The following ARHGAP12 variants were observed in gnomAD, a reference collection of about 807,000 sequenced individuals.
ARHGAP12 encodes rho GTPase-activating protein 12.
A neutral mutation model predicts 108.6 loss-of-function variants in ARHGAP12; 64 were observed. The observed-to-expected ratio is 0.59, with a 90% confidence interval of 0.48 to 0.73. ARHGAP12 has a LOEUF of 0.73. Ranked by LOEUF, ARHGAP12 falls within the 30% of genes least tolerant of loss-of-function variation. The pLI, the probability that ARHGAP12 is intolerant of heterozygous loss-of-function variation, is 0.00. For synonymous variants in ARHGAP12, 312 were observed against 337.2 expected (o/e 0.93, Z 0.82); for missense variants, 940 against 1,005.9 (o/e 0.93, Z 0.89).
chr10:31,808,862 C>CT (rs768672269), intron 18 of ARHGAP12, 111 bp from the exon 19 acceptor site: 273 of 1,370,726 alleles, frequency 2.0e-4, no homozygotes, highest in Non-Finnish European at 2.6e-4. Context: ...CTGGTGGTCA[C>CT]ATTTAAAATG....
chr10:31,873,732 T>C lies in ARHGAP12; in HGVS notation c.685-12074A>G, dbSNP rs190451980. Among the ~76,000 whole-genome samples the C allele has an allele frequency of 5.5e-4, 84 of 152,312 alleles. 1 individual carries two copies. The highest frequency in any genetic ancestry group is 6.8e-3 in the Middle Eastern group (2 of 294). ...TCTCAGTAACTGCTTTCCCAATCCA[T>C]AGAATATTTCAAGAAATAGAAAGCT... On this transcript the variant is annotated intron_variant, in intron 3 of 19. Coordinates refer to ENST00000344936, the MANE Select transcript of ARHGAP12 (RefSeq NM_018287.7).
intron 3 of ARHGAP12, among the ~76,000 whole-genome samples, chr10:31,861,940 C>A (rs1249827547): frequency 6.6e-6 from 1 of 152,158 alleles, no homozygotes; most frequent in African/African-American, 2.4e-5. Context: ...CAAGATCTGG[C>A]ACTAACAAGT....
At chr10:31,881,122 G>A (rs1408203833) in intron 3 of ARHGAP12, among the ~76,000 whole-genome samples, 1 of 149,802 alleles carries the variant, frequency 6.7e-6, no homozygotes, top group Non-Finnish European at 1.5e-5. Flanking sequence ...CTACAACAAG[G>A]ATATGCCCAT....
Position 31,839,806 on chromosome 10 carries a change from C to T in ARHGAP12, c.1297-95G>A, listed in dbSNP as rs943858481. ...GGGAGAGCTTAGTAAGAGAGAATAA[C>T]AAATTTTTTCCTCGTTATTTTCGTT... On this transcript the variant is annotated intron_variant, in intron 7 of 19. Transcript: ENST00000344936. 5.2e-6 allele frequency: 5 copies of T among 952,912 alleles called. No homozygotes were observed. The Admixed American group carries it at 1.5e-4, about 28-fold the overall frequency. The allele number at this position is 952,912 out of a possible 1,614,324, so 59.0% of individuals were successfully genotyped here. A position where few individuals can be genotyped will look rare whatever the true frequency, so the allele number is the denominator to read the frequency against.
chr10:31,833,227 AT>A (rs1248190615), intron 9 of ARHGAP12, among the ~76,000 whole-genome samples: 10 of 152,050 alleles, frequency 6.6e-5, no homozygotes, highest in Non-Finnish European at 1.3e-4. Context: ...AACAACATTA[AT>A]CTGAGTGGAT....
Position 31,861,615 on chromosome 10 carries a change from T to C in ARHGAP12, c.728A>G (p.Tyr243Cys), listed in dbSNP as rs1837120456. Reference sequence around the variant, plus strand: ...TATTTTCAGTTCTTGAAGGTTAGCATAGACAGGAGAATCTGGCCTTCCTTG... The same window carrying C: ...TATTTTCAGTTCTTGAAGGTTAGCACAGACAGGAGAATCTGGCCTTCCTTG... Reference protein sequence around the residue: ...PNQGRPDSPVYANLQELKISQ... With the variant: ...PNQGRPDSPVCANLQELKISQ... Residue 243 changes from tyrosine to cysteine, a missense_variant, in exon 4 of 20, where the codon TAT becomes TGT. Transcript: ENST00000344936. The C allele has an allele frequency of 2.5e-6, 4 of 1,612,244 alleles. No individual in the cohort carries two copies. Among genetic ancestry groups the C allele is most frequent in the African/African-American group, 1.3e-5 (1 of 74,946 alleles).
chr10:31,866,589 T>C (rs1592310201), intron 3 of ARHGAP12, among the ~76,000 whole-genome samples: 1 of 150,392 alleles, frequency 6.6e-6, no homozygotes, highest in East Asian at 1.9e-4. Context: ...CACCATACAA[T>C]GAGAAGAGAA....
intron 7 of ARHGAP12, among the ~76,000 whole-genome samples, chr10:31,842,403 A>G (rs1455678704): frequency 1.3e-5 from 2 of 152,182 alleles, no homozygotes; most frequent in East Asian, 3.9e-4. Flanking sequence ...AGACTCCAGA[A>G]TGTCATTCCT....
intron 3 of ARHGAP12, among the ~76,000 whole-genome samples, chr10:31,906,058 A>C (rs940951783): frequency 6.6e-6 from 1 of 152,146 alleles, no homozygotes; most frequent in South Asian, 2.1e-4. Flanking sequence ...AGGACAATGC[A>C]GTGTCTACCA....
intron 19 of ARHGAP12, 21 bp downstream of exon 19, chr10:31,808,628 A>G (rs1237160610): frequency 1.2e-6 from 2 of 1,609,106 alleles, no homozygotes; most frequent in South Asian, 1.1e-5. Flanking sequence ...ACCACATCCC[A>G]TGACTGGGCA....
intron 2 of ARHGAP12, among the ~76,000 whole-genome samples, chr10:31,909,852 C>T (rs1015156176): frequency 6.6e-6 from 1 of 152,126 alleles, no homozygotes; most frequent in African/African-American, 2.4e-5. Context: ...ACCAAGATCA[C>T]ACCACTGCAC....
At chr10:31,813,798 T>C (rs763833985) in intron 14 of ARHGAP12, among the ~76,000 whole-genome samples, 1 of 152,236 alleles carries the variant, frequency 6.6e-6, no homozygotes, top group African/African-American at 2.4e-5. Context: ...GATCTGGAGA[T>C]AGAAACGCTT....
intron 3 of ARHGAP12, among the ~76,000 whole-genome samples, chr10:31,883,126 T>C (rs1323936173): frequency 6.6e-6 from 1 of 151,650 alleles, no homozygotes; most frequent in Non-Finnish European, 1.5e-5. Flanking sequence ...AGAAACCCCA[T>C]CTCTACTAAA....
chr10:31,868,391 A>G (rs1319581751), intron 3 of ARHGAP12, among the ~76,000 whole-genome samples: 5 of 152,114 alleles, frequency 3.3e-5, no homozygotes, highest in Non-Finnish European at 7.4e-5. Flanking sequence ...GTGATTTCCC[A>G]ATTTTATTAT....
intron 3 of ARHGAP12, among the ~76,000 whole-genome samples, chr10:31,874,925 G>A (rs1837669329): frequency 8.0e-6 from 1 of 125,244 alleles, no homozygotes; most frequent in Admixed American, 1.0e-4. Context: ...AGTGAGCCAA[G>A]ATGGCGCCAC....
chr10:31,884,149 T>C (rs1838101837), intron 3 of ARHGAP12, among the ~76,000 whole-genome samples: 1 of 151,974 alleles, frequency 6.6e-6, no homozygotes, highest in South Asian at 2.1e-4. Context: ...AGACCACTTC[T>C]TTCCAAACTG....
chr10:31,922,390 T>A (rs181934754), intron 1 of ARHGAP12, among the ~76,000 whole-genome samples: 31 of 150,440 alleles, frequency 2.1e-4, no homozygotes, highest in African/African-American at 6.7e-4. Flanking sequence ...ACAATCCACA[T>A]GAAGTAGACA....
chr10:31,860,415 C>T (rs772303142), intron 4 of ARHGAP12, among the ~76,000 whole-genome samples: 2 of 152,190 alleles, frequency 1.3e-5, no homozygotes, highest in South Asian at 2.1e-4. Flanking sequence ...TACTCCTGTA[C>T]GTTTAAATAA....
At position 31,908,616 on chromosome 10, in the gene ARHGAP12, A is replaced by G. The variant is rs773390078; in HGVS notation, c.240T>C (p.Pro80=). Residue 80 remains proline (P), a synonymous_variant, in exon 3 of 20, where the codon CCT becomes CCC. Coordinates refer to ENST00000344936, the MANE Select transcript of ARHGAP12 (RefSeq NM_018287.7). The part of the protein sequence containing the change: ...KEVTRKALMP[P]VKQVAGLPNN... The stretch of plus-strand genomic sequence containing the variant: ...TTGGCAGACCAGCTACCTGCTTAAC[A>G]GGTGGCATGAGAGCTTTGCGCGTGA... 5 of 1,614,222 alleles carry G rather than the reference A, an allele frequency of 3.1e-6. No individual in the cohort carries two copies. In the South Asian group the frequency reaches 5.5e-5, roughly 18 times the overall value.
Sources: allele counts gnomAD v4.1 joint callset (sites outside exome capture counted in the v4.1 genomes callset), GRCh38; gene constraint gnomAD v4.1.1; transcripts MANE v1.5; gene names NCBI Gene and HGNC (gene_info 2026-07-23, HGNC 2026-07-21).